The following SVIL variants were observed in gnomAD, a reference collection of about 807,000 sequenced individuals.
SVIL encodes archvillin.
In SVIL, 101 loss-of-function variants were observed where a neutral mutation model predicts 240.4. The observed-to-expected ratio is 0.42, with a 90% CI of 0.36 to 0.50. The LOEUF (loss-of-function observed/expected upper bound fraction) is 0.50. Among genes scored for constraint, SVIL ranks in the 20% least tolerant of loss-of-function variants. The pLI is 0.01. For missense variants in SVIL, 2,512 were observed against 2,818.7 expected (o/e 0.89, Z 2.46); for synonymous variants, 999 against 1,100.0 (o/e 0.91, Z 1.82).
chr10:29,679,136 C>G (rs1201245426), intron 2 of SVIL, among the ~76,000 whole-genome samples: 1 of 152,156 alleles, frequency 6.6e-6, no homozygotes, highest in East Asian at 1.9e-4. Context: ...ACCTGAAAGG[C>G]AGAGGCTGCA....
At chr10:29,621,986 C>T (rs968502598) in intron 1 of SVIL, among the ~76,000 whole-genome samples, 2 of 151,980 alleles carry the variant, frequency 1.3e-5, no homozygotes, top group Non-Finnish European at 2.9e-5. Flanking sequence ...CGCGGTGGCT[C>T]ACGCCTGTAA....
At chr10:29,700,870 C>A (rs1268032852) in intron 1 of SVIL, among the ~76,000 whole-genome samples, 1 of 152,078 alleles carries the variant, frequency 6.6e-6, no homozygotes. Flanking sequence ...TGAGTATTAA[C>A]AAAAACAAGC....
At chr10:29,470,618 G>A in intron 31 of SVIL, 135 bp from the exon 32 acceptor site, 1 of 975,102 alleles carries the variant, frequency 1.0e-6, no homozygotes, top group Non-Finnish European at 1.5e-6. Context: ...GACTGGAGGG[G>A]CTGAGGCACT....
At chr10:29,570,893 A>G (rs1412178253) in intron 1 of SVIL, among the ~76,000 whole-genome samples, 1 of 152,258 alleles carries the variant, frequency 6.6e-6, no homozygotes, top group African/African-American at 2.4e-5. Context: ...TACATAGGGC[A>G]AAATAGAGGA....
rs570088510 is a variant in SVIL at position 29,522,355 on chromosome 10, C to T, written c.3389+55G>A. The T allele has an allele frequency of 1.1e-5, 18 of 1,572,964 alleles. No homozygotes were observed. In the African/African-American group the frequency reaches 1.9e-4, roughly 17 times the overall value. On this transcript the variant is annotated intron_variant, in intron 16 of 37. Coordinates refer to ENST00000355867, the MANE Select transcript of SVIL (RefSeq NM_021738.3). ...CATCACCGAGATTGTTTTCTAAAAG[C>T]AAGCTGTAAGCTCCTCCCCGAGAGA...
rs1946758682 is a variant in SVIL at position 29,480,893 on chromosome 10, G to T, written c.5101-80C>A. The T allele has an allele frequency of 2.7e-6, 4 of 1,484,892 alleles. No homozygotes were observed. The South Asian group carries it at 3.7e-5, about 14-fold the overall frequency. 92.0% of individuals were successfully genotyped at this position (1,484,892 alleles called of 1,614,324 possible). A position where few individuals can be genotyped will look rare whatever the true frequency, so the allele number is the denominator to read the frequency against. ...TGTCATGCTCAATGCTGCTTCAGCT[G>T]TTCATGGGACAGCATAAAAATACAG... On this transcript the variant is annotated intron_variant, in intron 28 of 37. Coordinates refer to ENST00000355867, the MANE Select transcript of SVIL (RefSeq NM_021738.3).
At chr10:29,586,721 C>T (rs34706674) in intron 1 of SVIL, among the ~76,000 whole-genome samples, 7,201 of 152,204 alleles carry the variant, frequency 0.047, 211 homozygotes, top group Admixed American at 0.098. Flanking sequence ...TAAAAAAGAA[C>T]GAAACTATGT....
chr10:29,477,153 G>A (rs532518399), intron 29 of SVIL, among the ~76,000 whole-genome samples: 6 of 152,272 alleles, frequency 3.9e-5, no homozygotes, highest in South Asian at 2.1e-4. Context: ...ATGAGCCACC[G>A]TGCCCAGCCA....
At chr10:29,462,049 G>A (rs907197511) in intron 36 of SVIL, among the ~76,000 whole-genome samples, 1 of 152,184 alleles carries the variant, frequency 6.6e-6, no homozygotes, top group African/African-American at 2.4e-5. Flanking sequence ...TTGCTTTTAA[G>A]TTTTTAAAAT....
intron 2 of SVIL, among the ~76,000 whole-genome samples, chr10:29,564,039 C>T (rs907612390): frequency 1.3e-5 from 2 of 152,136 alleles, no homozygotes; most frequent in African/African-American, 4.8e-5. Flanking sequence ...GTACGAATGG[C>T]CCTGCCCTCT....
chr10:29,500,327 G>A (rs1948780499), intron 17 of SVIL, among the ~76,000 whole-genome samples: 2 of 152,286 alleles, frequency 1.3e-5, no homozygotes, highest in African/African-American at 4.8e-5. Flanking sequence ...TTTATGGCGA[G>A]GCACTGGGCT....
chr10:29,687,871 G>A (rs976509544), intron 1 of SVIL, among the ~76,000 whole-genome samples: 2 of 149,182 alleles, frequency 1.3e-5, no homozygotes, highest in Non-Finnish European at 3.0e-5. Flanking sequence ...TAAACTCATC[G>A]ACTGAGACTT....
intron 1 of SVIL, among the ~76,000 whole-genome samples, chr10:29,586,253 G>C (rs1956163601): frequency 6.6e-6 from 1 of 152,148 alleles, no homozygotes; most frequent in South Asian, 2.1e-4. Flanking sequence ...ACGATGGAGA[G>C]GTTATTGAGT....
rs376937816 is a variant in SVIL, at chr10:29,467,719, G to A, written c.5977+23C>T. 13 of 1,613,126 alleles carry A rather than the reference G, an allele frequency of 8.1e-6. No homozygotes were observed. In the South Asian group the frequency reaches 9.9e-5, roughly 12 times the overall value. ...CAAAAACAAACAAAAAAACCAGATC[G>A]CAGACTGTGGATGCCACATTACCTT... On this transcript the variant is annotated intron_variant, in intron 33 of 37. Transcript: ENST00000355867.
chr10:29,641,585 A>T (rs1425460304), intron 3 of SVIL, among the ~76,000 whole-genome samples: 2 of 150,952 alleles, frequency 1.3e-5, no homozygotes, highest in African/African-American at 4.8e-5. Context: ...AATAAATAAA[A>T]AATAAAAAAT....
chr10:29,613,101 A>G (rs963830944), intron 1 of SVIL, among the ~76,000 whole-genome samples: 1 of 150,636 alleles, frequency 6.6e-6, no homozygotes, highest in Non-Finnish European at 1.5e-5. Context: ...GCTTGAACCC[A>G]GGAGGCAGAA....
At chr10:29,589,529 G>A (rs1035526709) in intron 1 of SVIL, among the ~76,000 whole-genome samples, 2 of 152,160 alleles carry the variant, frequency 1.3e-5, no homozygotes, top group Non-Finnish European at 1.5e-5. Flanking sequence ...GGCCAAATTA[G>A]ATGGCACTGA....
chr10:29,585,086 C>CT (rs111923900), intron 1 of SVIL, among the ~76,000 whole-genome samples: 244 of 145,514 alleles, frequency 1.7e-3, no homozygotes, highest in Non-Finnish European at 2.7e-3. Context: ...ATTCTTCTTC[C>CT]TTTTTTTTTT....
In SVIL at chr10:29,486,448, T is replaced by C; in HGVS notation, c.4595A>G (p.Asp1532Gly). 1 of 1,614,212 alleles carries C rather than the reference T, an allele frequency of 6.2e-7. No individual in the cohort carries two copies. Among genetic ancestry groups the C allele is most frequent in the Non-Finnish European group, 8.5e-7 (1 of 1,180,038 alleles). Residue 1532 changes from aspartate (D) to glycine (G), a missense_variant, in exon 25 of 38, where the codon GAC (aspartate) becomes GGC (glycine). Transcript: ENST00000355867. ...TTGGCCACCCAGAAGCTTCCAGAAG[T>C]CTTTGGCTGCATGAGTGTGTGTATT... ...GINTHTHAAK[D>G]FWKLLGGQTS...
Sources: gnomAD v4.1 joint callset for allele counts (sites outside exome capture counted in the v4.1 genomes callset) on GRCh38, gnomAD v4.1.1 for gene constraint, MANE v1.5 for transcripts, NCBI Gene and HGNC (gene_info 2026-07-23, HGNC 2026-07-21) for gene names.